KAT2B: variants seen among roughly 807,000 people sequenced by gnomAD.
KAT2B encodes the protein lysine acetyltransferase 2B.
KAT2B carries 36 observed loss-of-function variants against 105.9 expected under a neutral mutation model. The ratio of observed to expected loss-of-function variants is 0.34; its 90% CI spans 0.26 to 0.45. The LOEUF (loss-of-function observed/expected upper bound fraction) is 0.45. Among genes scored for constraint, KAT2B ranks in the 20% least tolerant of loss-of-function variants. The probability of loss-of-function intolerance (pLI) is 1.00; values close to 1 mark genes in which losing one functional copy is unlikely to be tolerated. For missense variants in KAT2B, 820 were observed against 1,021.6 expected (o/e 0.80, Z 2.69); for synonymous variants, 397 against 377.9 (o/e 1.05, Z -0.59).
At chr3:20,127,621 G>T (rs951096256) in intron 11 of KAT2B, 72 bp downstream of exon 11, 1 of 1,428,004 alleles carries the variant, frequency 7.0e-7, no homozygotes. Flanking sequence ...CAGAGCTTGG[G>T]AAGATCTCTC....
intron 5 of KAT2B, 131 bp from the exon 6 acceptor site, chr3:20,111,465 T>G: frequency 1.5e-6 from 1 of 649,142 alleles, no homozygotes. Flanking sequence ...CTGGCAGGGA[T>G]ATTGTTGCTT....
chr3:20,138,673 CTTTGTA>C (rs1266280419), intron 12 of KAT2B, among the ~76,000 whole-genome samples: 2 of 151,910 alleles, frequency 1.3e-5, no homozygotes, highest in African/African-American at 4.8e-5. Flanking sequence ...TTTATCAATT[CTTTGTA>C]TTTGTTCCTT....
chr3:20,064,561 A>G (rs1356508572), intron 1 of KAT2B, among the ~76,000 whole-genome samples: 1 of 152,186 alleles, frequency 6.6e-6, no homozygotes, highest in Non-Finnish European at 1.5e-5. Context: ...GTAGTGAATA[A>G]GAGTGAGTCC....
intron 1 of KAT2B, among the ~76,000 whole-genome samples, chr3:20,052,650 C>G (rs1260400282): frequency 7.1e-6 from 1 of 140,816 alleles, no homozygotes; most frequent in Non-Finnish European, 1.5e-5. Flanking sequence ...GACCCCATCT[C>G]TTAAAAAAAA....
chr3:20,083,405 CTT>C (rs1440533404), intron 2 of KAT2B, among the ~76,000 whole-genome samples: 1 of 152,098 alleles, frequency 6.6e-6, no homozygotes, highest in Non-Finnish European at 1.5e-5. Flanking sequence ...ATGAATGACT[CTT>C]TTTGGTTTAA....
intron 11 of KAT2B, among the ~76,000 whole-genome samples, chr3:20,133,401 C>T (rs1253574281): frequency 7.0e-6 from 1 of 143,650 alleles, no homozygotes; most frequent in African/African-American, 2.6e-5. Context: ...CTTGGTTACT[C>T]AGGTACTCAG....
At chr3:20,118,150 G>GA (rs914160643) in intron 7 of KAT2B, among the ~76,000 whole-genome samples, 1 of 145,376 alleles carries the variant, frequency 6.9e-6, no homozygotes, top group Non-Finnish European at 1.5e-5. Flanking sequence ...AAATTTAGGA[G>GA]AAAAAAATTA....
intron 1 of KAT2B, among the ~76,000 whole-genome samples, chr3:20,050,110 C>T (rs754201882): frequency 6.6e-6 from 1 of 150,976 alleles, no homozygotes; most frequent in Non-Finnish European, 1.5e-5. Flanking sequence ...TGAGGTGGGA[C>T]GACTGCTTGA....
chr3:20,090,695 G>A (rs6788286), intron 2 of KAT2B, among the ~76,000 whole-genome samples: 93,552 of 151,914 alleles, frequency 0.62, 29,508 homozygotes, highest in African/African-American at 0.76. Context: ...TTAGTATAAT[G>A]CTGACCTTGT....
chr3:20,062,863 G>A (rs756296440), intron 1 of KAT2B, among the ~76,000 whole-genome samples: 1 of 151,986 alleles, frequency 6.6e-6, no homozygotes, highest in Non-Finnish European at 1.5e-5. Context: ...TTTGCCCATT[G>A]TAAAATTTCG....
In KAT2B at chr3:20,077,362, A is replaced by G. The variant is rs371770350; in HGVS notation, c.430+4903A>G. Among the ~76,000 whole-genome samples the G allele has an allele frequency of 3.3e-5, 5 of 152,276 alleles. No individual in the cohort carries two copies. In the East Asian group the frequency reaches 9.7e-4, roughly 29 times the overall value. ...CACCTCTAACAAAACAAAACCAAGAAAAGAATTCTAGCTTGGCCCTGCAGT... is the reference window on the plus strand; with the variant it reads ...CACCTCTAACAAAACAAAACCAAGAGAAGAATTCTAGCTTGGCCCTGCAGT... On this transcript the variant is annotated intron_variant, in intron 2 of 17. Transcript: ENST00000263754.
At chr3:20,078,181 A>AAAATAAAT (rs1323987537) in intron 2 of KAT2B, among the ~76,000 whole-genome samples, 7 of 151,734 alleles carry the variant, frequency 4.6e-5, no homozygotes, top group African/African-American at 1.5e-4. Context: ...CCCTGTCTCA[A>AAAATAAAT]AAATAAATAA....
intron 15 of KAT2B, 29 bp from the exon 16 acceptor site, chr3:20,148,214 T>C: frequency 6.3e-7 from 1 of 1,592,432 alleles, no homozygotes; most frequent in Non-Finnish European, 8.6e-7. Context: ...CTCTAATCAT[T>C]GCTCCTTGTT....
chr3:20,101,031 T>G, intron 4 of KAT2B: 1 of 477,658 alleles, frequency 2.1e-6, no homozygotes, highest in South Asian at 4.1e-5. Context: ...GATTTTCTCC[T>G]TAATGCTTCA....
chr3:20,064,249 G>C (rs1698187944), intron 1 of KAT2B, among the ~76,000 whole-genome samples: 1 of 152,096 alleles, frequency 6.6e-6, no homozygotes, highest in South Asian at 2.1e-4. Flanking sequence ...ATTGATGGGG[G>C]CATAGTGTGG....
At chr3:20,084,273 T>C (rs1039275136) in intron 2 of KAT2B, among the ~76,000 whole-genome samples, 4 of 152,158 alleles carry the variant, frequency 2.6e-5, no homozygotes, top group African/African-American at 9.7e-5. Flanking sequence ...CCATCTACTT[T>C]CATTTGATCT....
intron 3 of KAT2B, among the ~76,000 whole-genome samples, chr3:20,097,058 G>A (rs1327770620): frequency 1.3e-5 from 2 of 152,128 alleles, no homozygotes; most frequent in Non-Finnish European, 2.9e-5. Flanking sequence ...GCATCCAGGT[G>A]ACAACTTGTT....
At chr3:20,087,739 A>G (rs1443279823) in intron 2 of KAT2B, among the ~76,000 whole-genome samples, 2 of 152,116 alleles carry the variant, frequency 1.3e-5, no homozygotes, top group Non-Finnish European at 2.9e-5. Context: ...TCTACATACA[A>G]ATAAGATCAT....
intron 6 of KAT2B, 149 bp from the exon 7 acceptor site, chr3:20,114,733 A>G (rs1004074595): frequency 1.0e-5 from 6 of 587,004 alleles, no homozygotes; most frequent in Non-Finnish European, 1.8e-5. Context: ...GGGCTGCCCA[A>G]CTAAATCATA....
Sources: allele counts gnomAD v4.1 joint callset (sites outside exome capture counted in the v4.1 genomes callset), GRCh38; gene constraint gnomAD v4.1.1; transcripts MANE v1.5; gene names NCBI Gene and HGNC (gene_info 2026-07-23, HGNC 2026-07-21).